ANKRD31: variants seen among roughly 807,000 people sequenced by gnomAD.
ANKRD31 encodes the protein ankyrin repeat domain 31, also known as ankyrin repeat domain-containing protein 31.
In ANKRD31, 147 loss-of-function variants were observed where a neutral mutation model predicts 186.0. The ratio of observed to expected loss-of-function variants is 0.79; its 90% CI spans 0.69 to 0.91. The LOEUF is 0.91. ANKRD31 is among the 40% of genes least tolerant of loss of function. The pLI is 0.00. For missense variants in ANKRD31, 1,986 were observed against 2,148.8 expected (o/e 0.92, Z 1.50); for synonymous variants, 673 against 736.4 (o/e 0.91, Z 1.39).
At chr5:75,170,248 T>A (rs1753219919) in intron 10 of ANKRD31, among the ~76,000 whole-genome samples, 1 of 152,122 alleles carries the variant, frequency 6.6e-6, no homozygotes, top group South Asian at 2.1e-4. Context: ...TAATATTAAT[T>A]CAAAGATAAC....
chr5:75,168,216 T>C (rs185597811), intron 11 of ANKRD31, among the ~76,000 whole-genome samples: 1 of 152,290 alleles, frequency 6.6e-6, no homozygotes, highest in African/African-American at 2.4e-5. Context: ...CCTCTGCCTG[T>C]GTTAGGCATT....
chr5:75,196,800 A>C (rs1406112910), intron 6 of ANKRD31, among the ~76,000 whole-genome samples: 1 of 152,176 alleles, frequency 6.6e-6, no homozygotes, highest in Admixed American at 6.6e-5. Context: ...AAGCAAAAAA[A>C]CCCACTAAAC....
intron 2 of ANKRD31, among the ~76,000 whole-genome samples, chr5:75,223,650 A>T (rs1757435846): frequency 6.6e-6 from 1 of 152,178 alleles, no homozygotes; most frequent in South Asian, 2.1e-4. Flanking sequence ...AATGGATTCA[A>T]GGAAACCCAA....
intron 25 of ANKRD31, among the ~76,000 whole-genome samples, chr5:75,076,880 G>T (rs1450295876): frequency 6.6e-6 from 1 of 151,910 alleles, no homozygotes; most frequent in East Asian, 1.9e-4. Context: ...TCACAATTCT[G>T]GATCAGAAAT....
In ANKRD31 at chr5:75,176,896, G is replaced by A. The variant is rs184240373; in HGVS notation, c.1565-7775C>T. ...AAGCTGGATGGAGAATGACTTTGAC[G>A]AGTTGAGAGAGGAAGGCTTCAGAAG... is the stretch of plus-strand genomic sequence containing the variant. On this transcript the variant is annotated intron_variant, in intron 10 of 25. Transcript: ENST00000506364. 1.9e-3 allele frequency among the ~76,000 whole-genome samples: 285 copies of A among 152,298 alleles called. 1 individual carries two copies. Among genetic ancestry groups the A allele is most frequent in the Middle Eastern group, 0.01 (3 of 294 alleles).
At position 75,087,109 on chromosome 5, in the gene ANKRD31, C is replaced by A. The variant is rs562048430; in HGVS notation, c.5473-2735G>T. ...TGCATCAAAAAAGAATGAAACATAA[C>A]CCACCTTTGCATATACTTCCCTTCT... On this transcript the variant is annotated intron_variant, in intron 23 of 25. Coordinates refer to ENST00000506364, the MANE Select transcript of ANKRD31 (RefSeq NM_001372053.1). Among the ~76,000 whole-genome samples the A allele has an allele frequency of 2.0e-5, 3 of 152,302 alleles. No individual in the cohort carries two copies. In the South Asian group the frequency reaches 6.2e-4, roughly 32 times the overall value.
chr5:75,222,536 A>C (rs1757368017), intron 2 of ANKRD31, among the ~76,000 whole-genome samples, 178 bp from the exon 3 acceptor site: 1 of 151,180 alleles, frequency 6.6e-6, no homozygotes, highest in Non-Finnish European at 1.5e-5. Context: ...GGTTTGTTAC[A>C]TAGGTATACG....
chr5:75,163,345 G>A (rs1752697390), intron 11 of ANKRD31, among the ~76,000 whole-genome samples: 1 of 152,140 alleles, frequency 6.6e-6, no homozygotes, highest in Non-Finnish European at 1.5e-5. Flanking sequence ...ATGCACATAG[G>A]TCTTGGCCCC....
chr5:75,171,761 C>T (rs777055908), intron 10 of ANKRD31, among the ~76,000 whole-genome samples: 8 of 151,020 alleles, frequency 5.3e-5, no homozygotes, highest in Non-Finnish European at 1.0e-4. Flanking sequence ...TAGCCTATAC[C>T]TATTAATGAA....
intron 17 of ANKRD31, among the ~76,000 whole-genome samples, chr5:75,136,521 C>T (rs1385708262): frequency 6.6e-6 from 1 of 152,174 alleles, no homozygotes; most frequent in African/African-American, 2.4e-5. Context: ...ACAACAGGTG[C>T]TGGAGAGGGT....
intron 10 of ANKRD31, among the ~76,000 whole-genome samples, chr5:75,186,859 C>T (rs368387507): frequency 2.8e-4 from 42 of 152,016 alleles, no homozygotes; most frequent in African/African-American, 9.9e-4. Flanking sequence ...TAAATTGTAC[C>T]ACAAAATAAG....
At chr5:75,107,664 G>A in intron 20 of ANKRD31, 47 bp from the exon 21 acceptor site, 2 of 1,064,732 alleles carry the variant, frequency 1.9e-6, no homozygotes, top group Non-Finnish European at 2.7e-6. Context: ...GAGAGTGAAT[G>A]TCAAATTTGG....
chr5:75,129,801 C>T (rs1370358206), intron 17 of ANKRD31, among the ~76,000 whole-genome samples: 1 of 152,188 alleles, frequency 6.6e-6, no homozygotes, highest in African/African-American at 2.4e-5. Flanking sequence ...GTGGGTGCAG[C>T]CCACGGAGTG....
At chr5:75,152,905 T>C (rs537119894) in intron 12 of ANKRD31, among the ~76,000 whole-genome samples, 62 of 152,108 alleles carry the variant, frequency 4.1e-4, no homozygotes, top group African/African-American at 1.3e-3. Flanking sequence ...ATTTTTAATA[T>C]ATCCATGTAT....
At chr5:75,177,801 G>A (rs368808412) in intron 10 of ANKRD31, among the ~76,000 whole-genome samples, 8 of 152,220 alleles carry the variant, frequency 5.3e-5, no homozygotes, top group Admixed American at 1.3e-4. Flanking sequence ...AAAGACCGTC[G>A]ATGCTAGGAA....
intron 23 of ANKRD31, among the ~76,000 whole-genome samples, chr5:75,086,158 C>A (rs1340431151): frequency 6.6e-6 from 1 of 152,204 alleles, no homozygotes; most frequent in East Asian, 1.9e-4. Context: ...TATGTTCTCA[C>A]CTATATCTCA....
In ANKRD31 at chr5:75,206,497, C is replaced by A; in HGVS notation, c.327-10G>T. ...ACAGTTTTTTCTAGTCCTAAAAAAT[C>A]AATTAATAAAAATAAATTTTAAAAT... On this transcript the variant is annotated splice_polypyrimidine_tract_variant and intron_variant, in intron 4 of 25. Transcript: ENST00000506364. 2 of 1,383,024 alleles carry A rather than the reference C, an allele frequency of 1.4e-6. No individual in the cohort carries two copies. The highest frequency in any genetic ancestry group is 1.6e-5 in the South Asian group (1 of 60,770). The allele number at this position is 1,383,024 out of a possible 1,614,324, so 85.7% of individuals were successfully genotyped here.
At chr5:75,074,352 G>A (rs1019758907) in intron 25 of ANKRD31, among the ~76,000 whole-genome samples, 1 of 152,104 alleles carries the variant, frequency 6.6e-6, no homozygotes, top group East Asian at 1.9e-4. Context: ...TACTGCACTA[G>A]GTCTCCCTAA....
chr5:75,214,351 A>G (rs1756832754), intron 3 of ANKRD31, among the ~76,000 whole-genome samples: 1 of 152,218 alleles, frequency 6.6e-6, no homozygotes, highest in African/African-American at 2.4e-5. Flanking sequence ...AGAGACAGCA[A>G]TTTTAGGAAG....
Sources: gnomAD v4.1 joint callset for allele counts (sites outside exome capture counted in the v4.1 genomes callset) on GRCh38, gnomAD v4.1.1 for gene constraint, MANE v1.5 for transcripts, NCBI Gene and HGNC (gene_info 2026-07-23, HGNC 2026-07-21) for gene names.